OR51M1: variants seen among roughly 807,000 people sequenced by gnomAD.
OR51M1 encodes olfactory receptor family 51 subfamily M member 1.
For missense variants in OR51M1, 509 were observed against 404.4 expected (o/e 1.26, Z -2.22); for synonymous variants, 199 against 155.1 (o/e 1.28, Z -2.10).
chr11:5,384,436 AG>A (rs1401279182), intron 1 of OR51M1, among the ~76,000 whole-genome samples: 3 of 152,220 alleles, frequency 2.0e-5, no homozygotes, highest in Non-Finnish European at 4.4e-5. Flanking sequence ...ACAGAACCAG[AG>A]CCAGAGAAAG....
At position 5,393,036 on chromosome 11, in the gene OR51M1, A is replaced by T. The variant is rs1033868606; in HGVS notation, c.*2657A>T. On this transcript the variant is annotated 3_prime_UTR_variant, in exon 3 of 3. Transcript: ENST00000642046. ...CCTTTTATAAAAAACAAAATACATCAAAAGACTTGAAAATATTCATGCTCT... is the reference window on the plus strand; with the variant it reads ...CCTTTTATAAAAAACAAAATACATCTAAAGACTTGAAAATATTCATGCTCT... The T allele has an allele frequency of 6.6e-6, 1 of 152,250 alleles. No homozygotes were observed. Among genetic ancestry groups the T allele is most frequent in the South Asian group, 2.1e-4 (1 of 4,832 alleles). The allele number at this position is 152,250 out of a possible 1,614,324, so 9.4% of individuals were successfully genotyped here. A position where few individuals can be genotyped will look rare whatever the true frequency, so the allele number is the denominator to read the frequency against.
Position 5,387,470 on chromosome 11 carries a change from T to C in OR51M1, c.-15-1914T>C, listed in dbSNP as rs115915903. On this transcript the variant is annotated intron_variant, in intron 2 of 2. Transcript: ENST00000642046. Reference sequence around the variant, plus strand: ...ATAAATGTGGACTATTTTTTACCCCTTGCCAAAGTGATGTAAGCCTTATAT... The same window carrying C: ...ATAAATGTGGACTATTTTTTACCCCCTGCCAAAGTGATGTAAGCCTTATAT... Among the ~76,000 whole-genome samples, 814 of 152,006 alleles carry C rather than the reference T, an allele frequency of 5.4e-3. 7 individuals are homozygous for C. Among genetic ancestry groups the C allele is most frequent in the African/African-American group, 0.019 (764 of 41,290 alleles).
At chr11:5,384,552 C>G (rs1398755935) in intron 1 of OR51M1, among the ~76,000 whole-genome samples, 2 of 152,204 alleles carry the variant, frequency 1.3e-5, no homozygotes, top group Non-Finnish European at 2.9e-5. Flanking sequence ...TGATGAGTGC[C>G]TGCATGGCCA....
At chr11:5,388,092 GAATA>G (rs1209300993) in intron 2 of OR51M1, among the ~76,000 whole-genome samples, 2 of 151,840 alleles carry the variant, frequency 1.3e-5, no homozygotes, top group African/African-American at 2.4e-5. Context: ...ATCAATTAAT[GAATA>G]ATTATTGAAA....
chr11:5,389,576 A>AT lies in OR51M1; in HGVS notation c.180dup (p.Ile61TyrfsTer2). 1 of 1,613,812 alleles carries AT rather than the reference A, an allele frequency of 6.2e-7. No individual in the cohort carries two copies. On this transcript the variant is annotated frameshift_variant, in exon 3 of 3. Transcript: ENST00000642046. LOFTEE classifies it low-confidence loss of function (END_TRUNC). ...CTCAGGCAATTGTTTCATTCTGATC[A>AT]TTATTAAGACCAACCCTCGTCTGCA...
rs7935438 is a variant in OR51M1, at chr11:5,389,059, G to A, written c.-15-325G>A. 2.9e-3 allele frequency among the ~76,000 whole-genome samples: 441 copies of A among 152,246 alleles called. 1 individual carries two copies. Among genetic ancestry groups the A allele is most frequent in the African/African-American group, 0.01 (419 of 41,548 alleles). On this transcript the variant is annotated intron_variant, in intron 2 of 2. Transcript: ENST00000642046. ...ATTTATCAATATATGGATGGTAAAT[G>A]AAATCATGGTAGTGGATGACATTAA... is the stretch of plus-strand genomic sequence containing the variant.
At chr11:5,384,150 T>C (rs1849650536) in intron 1 of OR51M1, among the ~76,000 whole-genome samples, 1 of 152,126 alleles carries the variant, frequency 6.6e-6, no homozygotes, top group Admixed American at 6.5e-5. Flanking sequence ...GATTTTTTTT[T>C]CTTTGTTTTC....
Position 5,391,996 on chromosome 11 carries a change from G to A in OR51M1, c.*1617G>A, listed in dbSNP as rs1230816158. 1 of 152,230 alleles carries A rather than the reference G, an allele frequency of 6.6e-6. No individual in the cohort carries two copies. The highest frequency in any genetic ancestry group is 1.5e-5 in the Non-Finnish European group (1 of 68,064). The allele number at this position is 152,230 out of a possible 1,614,324, so 9.4% of individuals were successfully genotyped here. A position where few individuals can be genotyped will look rare whatever the true frequency, so the allele number is the denominator to read the frequency against. Reference sequence around the variant, plus strand: ...AGGTGGGAAGAATGCTTGAGCCCAGGAGGTTGAGGCTGCAGTGAGCCATAA... The same window carrying A: ...AGGTGGGAAGAATGCTTGAGCCCAGAAGGTTGAGGCTGCAGTGAGCCATAA... On this transcript the variant is annotated 3_prime_UTR_variant, in exon 3 of 3. Transcript: ENST00000642046.
At chr11:5,386,543 T>A (rs1256747023) in intron 2 of OR51M1, among the ~76,000 whole-genome samples, 1 of 152,148 alleles carries the variant, frequency 6.6e-6, no homozygotes, top group Non-Finnish European at 1.5e-5. Flanking sequence ...TCACCACAGA[T>A]CTTTTACAAG....
chr11:5,387,905 T>A (rs940675232), intron 2 of OR51M1, among the ~76,000 whole-genome samples: 1 of 152,104 alleles, frequency 6.6e-6, no homozygotes, highest in Non-Finnish European at 1.5e-5. Flanking sequence ...GCAGTATGTA[T>A]GTATGTGTTT....
intron 2 of OR51M1, among the ~76,000 whole-genome samples, chr11:5,386,343 T>A (rs898883035): frequency 6.6e-6 from 1 of 152,168 alleles, no homozygotes; most frequent in African/African-American, 2.4e-5. Flanking sequence ...GGGCCATGCA[T>A]AGAGAGACAA....
rs1849765321 is a variant in OR51M1, at chr11:5,389,844, C to G, written c.446C>G (p.Thr149Ser). ...CHPLRYSVII[T>S]GQQVVRAGLI... Reference sequence around the variant, plus strand: ...CCTCTGAGGTATTCGGTCATTATCACTGGCCAGCAAGTGGTCAGAGCAGGC... The same window carrying G: ...CCTCTGAGGTATTCGGTCATTATCAGTGGCCAGCAAGTGGTCAGAGCAGGC... The change falls in exon 3 of 3, where the codon ACT (threonine) becomes AGT (serine). Residue 149 changes from threonine to serine, a missense_variant. Thr to Ser is a moderately conservative substitution (Grantham distance 58). Coordinates refer to ENST00000642046, the MANE Select transcript of OR51M1 (RefSeq NM_001004756.3). 1 of 1,613,948 alleles carries G rather than the reference C, an allele frequency of 6.2e-7. No individual in the cohort carries two copies. Among genetic ancestry groups the G allele is most frequent in the Non-Finnish European group, 8.5e-7 (1 of 1,179,906 alleles).
intron 2 of OR51M1, among the ~76,000 whole-genome samples, chr11:5,387,039 A>G (rs2133725008): frequency 6.6e-6 from 1 of 152,316 alleles, no homozygotes; most frequent in Non-Finnish European, 1.5e-5. Context: ...TATCTGGACT[A>G]GAGATTAATG....
At chr11:5,388,120 AAAT>A (rs1396838967) in intron 2 of OR51M1, among the ~76,000 whole-genome samples, 29 of 152,192 alleles carry the variant, frequency 1.9e-4, no homozygotes, top group Admixed American at 5.9e-4. Flanking sequence ...TTGAATATTG[AAAT>A]AATTATTGAA....
chr11:5,388,346 T>C (rs928677420), intron 2 of OR51M1, among the ~76,000 whole-genome samples: 5 of 151,662 alleles, frequency 3.3e-5, no homozygotes, highest in Non-Finnish European at 7.4e-5. Context: ...AATTAGTGCA[T>C]AGTGAACTAC....
Position 5,390,382 on chromosome 11 carries a change from C to G in OR51M1, c.*3C>G, listed in dbSNP as rs376030473. On this transcript the variant is annotated 3_prime_UTR_variant, in exon 3 of 3. Transcript: ENST00000642046. ...GTCTTAAAAAGGCCAGTAAATGAGT[C>G]CTGGGGCTAAAACTCCCCCTAGAGG... The G allele has an allele frequency of 1.2e-3, 1,849 of 1,581,686 alleles. 37 individuals carry two copies. The South Asian group carries it at 0.02, about 17-fold the overall frequency.
intron 2 of OR51M1, 65 bp from the exon 3 acceptor site, chr11:5,389,319 T>G: frequency 1.5e-6 from 2 of 1,345,888 alleles, no homozygotes; most frequent in Non-Finnish European, 2.1e-6. Flanking sequence ...ATGGTACTGC[T>G]TGTGATGTTG....
chr11:5,384,398 T>A (rs556655690), intron 1 of OR51M1, among the ~76,000 whole-genome samples: 2 of 152,184 alleles, frequency 1.3e-5, no homozygotes, highest in Non-Finnish European at 1.5e-5. Context: ...TCTCACAGAA[T>A]CTCTTCTGAT....
chr11:5,385,456 G>A lies in OR51M1; in HGVS notation c.-18G>A, dbSNP rs1849672990. Reference sequence around the variant, plus strand: ...CCCCAGGCACAAAGAATCAGGATAAGAGGTGAGTACTTTATTTATTCACCC... The same window carrying A: ...CCCCAGGCACAAAGAATCAGGATAAAAGGTGAGTACTTTATTTATTCACCC... On this transcript the variant is annotated splice_region_variant and 5_prime_UTR_variant, in exon 2 of 3. Coordinates refer to ENST00000642046, the MANE Select transcript of OR51M1 (RefSeq NM_001004756.3). 1 of 152,066 alleles carries A rather than the reference G, an allele frequency of 6.6e-6. No homozygotes were observed. Among genetic ancestry groups the A allele is most frequent in the Non-Finnish European group, 1.5e-5 (1 of 68,028 alleles). The allele number at this position is 152,066 out of a possible 1,614,324, so 9.4% of individuals were successfully genotyped here. A position where few individuals can be genotyped will look rare whatever the true frequency, so the allele number is the denominator to read the frequency against.
Sources: gnomAD v4.1 joint callset for allele counts (sites outside exome capture counted in the v4.1 genomes callset) on GRCh38, gnomAD v4.1.1 for gene constraint, MANE v1.5 for transcripts, NCBI Gene and HGNC (gene_info 2026-07-23, HGNC 2026-07-21) for gene names.